Variants in GBE1 observed in about 807,000 individuals in gnomAD.
The protein encoded by GBE1 is 1,4-alpha-glucan-branching enzyme.
Under a neutral mutation model 88.8 loss-of-function variants are expected in GBE1, and 70 were observed. The ratio of observed to expected loss-of-function variants is 0.79; its 90% CI spans 0.65 to 0.96. The LOEUF is 0.96. GBE1 is among the 40% of genes least tolerant of loss of function. GBE1 has a pLI of 0.00. For missense variants in GBE1, 872 were observed against 871.0 expected (o/e 1.00, Z -0.01); for synonymous variants, 284 against 300.1 (o/e 0.95, Z 0.56).
chr3:81,639,080 A>T (rs1052484493), intron 7 of GBE1, among the ~76,000 whole-genome samples: 1 of 152,342 alleles, frequency 6.6e-6, no homozygotes, highest in African/African-American at 2.4e-5. Flanking sequence ...AATATGAAAC[A>T]TAAATTGTAA....
At chr3:81,546,238 T>TCA (rs1390566593) in intron 12 of GBE1, among the ~76,000 whole-genome samples, 4 of 149,638 alleles carry the variant, frequency 2.7e-5, no homozygotes, top group Non-Finnish European at 6.0e-5. Context: ...ACACACAAAC[T>TCA]CACACACACA....
intron 14 of GBE1, among the ~76,000 whole-genome samples, chr3:81,530,686 A>G (rs1423732882): frequency 6.6e-6 from 1 of 151,844 alleles, no homozygotes; most frequent in Non-Finnish European, 1.5e-5. Context: ...CTCTCACTCT[A>G]TCCTGAGCTG....
intron 9 of GBE1, among the ~76,000 whole-genome samples, chr3:81,590,676 C>A (rs1449200611): frequency 6.6e-6 from 1 of 151,594 alleles, no homozygotes. Context: ...AATGATTGAG[C>A]CAAAAAAGAA....
intron 2 of GBE1, among the ~76,000 whole-genome samples, chr3:81,682,002 G>A (rs1240144298): frequency 6.6e-6 from 1 of 152,066 alleles, no homozygotes; most frequent in Non-Finnish European, 1.5e-5. Context: ...CCACAGAATG[G>A]GAGAAAATAT....
At chr3:81,746,148 GTGTT>G (rs1212400627) in intron 1 of GBE1, among the ~76,000 whole-genome samples, 1 of 152,094 alleles carries the variant, frequency 6.6e-6, no homozygotes, top group Non-Finnish European at 1.5e-5. Flanking sequence ...AAAGTAATAG[GTGTT>G]TGTTTTTTCT....
In GBE1 at chr3:81,761,377, G is replaced by A. The variant is rs1234184417; in HGVS notation, c.141C>T (p.Arg47=). 8.1e-6 allele frequency: 13 copies of A among 1,607,288 alleles called. No individual in the cohort carries two copies. The highest frequency in any genetic ancestry group is 1.1e-5 in the South Asian group (1 of 90,976). The change falls in exon 1 of 16, where the codon CGC becomes CGT. Residue 47 remains arginine, a splice_region_variant and synonymous_variant. Transcript: ENST00000429644. ...YLKPYAVDFQ[R]RYKQFSQILK... is the part of the protein sequence containing the mutation. Reference sequence around the variant, plus strand: ...GGGTGGTGGGATTCCGGCGGTACCTGCGCTGGAAGTCCACGGCGTAGGGCT... The same window carrying A: ...GGGTGGTGGGATTCCGGCGGTACCTACGCTGGAAGTCCACGGCGTAGGGCT...
intron 7 of GBE1, among the ~76,000 whole-genome samples, chr3:81,600,206 A>T (rs1704013210): frequency 6.6e-6 from 1 of 152,158 alleles, no homozygotes; most frequent in Non-Finnish European, 1.5e-5. Flanking sequence ...GGTTGCAGTG[A>T]GCCGCGATTG....
At chr3:81,688,659 A>C (rs1455666754) in intron 2 of GBE1, among the ~76,000 whole-genome samples, 1 of 152,112 alleles carries the variant, frequency 6.6e-6, no homozygotes, top group African/African-American at 2.4e-5. Flanking sequence ...CAAAAGATTT[A>C]GGTGGTTCCT....
chr3:81,669,028 T>C (rs1426499851), intron 3 of GBE1, among the ~76,000 whole-genome samples: 3 of 152,218 alleles, frequency 2.0e-5, no homozygotes, highest in African/African-American at 7.2e-5. Context: ...CACATATTTG[T>C]TGAACTAGTG....
At chr3:81,731,781 T>C (rs1034455259) in intron 1 of GBE1, among the ~76,000 whole-genome samples, 4 of 152,116 alleles carry the variant, frequency 2.6e-5, no homozygotes, top group Non-Finnish European at 4.4e-5. Context: ...CCGCCATGAA[T>C]GTAACTTTCC....
intron 2 of GBE1, among the ~76,000 whole-genome samples, chr3:81,691,793 T>G (rs76927404): frequency 6.6e-6 from 1 of 152,012 alleles, no homozygotes; most frequent in Non-Finnish European, 1.5e-5. Context: ...AATTAATTAA[T>G]TTTTTAAATA....
intron 4 of GBE1, 108 bp downstream of exon 4, chr3:81,649,688 T>C: frequency 1.2e-6 from 1 of 814,830 alleles, no homozygotes; most frequent in Non-Finnish European, 1.9e-6. Flanking sequence ...AATACGCAAC[T>C]GTCAGTGAAG....
intron 14 of GBE1, among the ~76,000 whole-genome samples, chr3:81,522,895 A>C (rs1187882383): frequency 6.6e-6 from 1 of 151,714 alleles, no homozygotes; most frequent in African/African-American, 2.4e-5. Context: ...TGTCTGTATC[A>C]TTGCAACTTA....
intron 1 of GBE1, among the ~76,000 whole-genome samples, chr3:81,723,832 G>A (rs1706071405): frequency 6.6e-6 from 1 of 152,132 alleles, no homozygotes; most frequent in South Asian, 2.1e-4. Context: ...ATGTAATTAT[G>A]TATCTGCAGC....
chr3:81,667,383 A>C (rs1457228161), intron 3 of GBE1, among the ~76,000 whole-genome samples: 2 of 152,204 alleles, frequency 1.3e-5, no homozygotes, highest in African/African-American at 4.8e-5. Context: ...GAAACATGTC[A>C]TCTGCAAACA....
chr3:81,712,833 C>A (rs1186946759), intron 1 of GBE1, among the ~76,000 whole-genome samples: 3 of 151,658 alleles, frequency 2.0e-5, no homozygotes, highest in Admixed American at 6.6e-5. Flanking sequence ...TAAAAAAGCT[C>A]TCCAACTCAG....
At chr3:81,660,628 T>G (rs1028665107) in intron 3 of GBE1, among the ~76,000 whole-genome samples, 1 of 152,078 alleles carries the variant, frequency 6.6e-6, no homozygotes, top group Non-Finnish European at 1.5e-5. Context: ...GAACATATAA[T>G]TTTCAATTTG....
intron 1 of GBE1, 25 bp downstream of exon 1, chr3:81,761,350 G>T (rs28763905): frequency 5.0e-6 from 8 of 1,596,372 alleles, no homozygotes; most frequent in African/African-American, 2.7e-5. Context: ...CTGTCTAAGT[G>T]GGGGTGGTGG....
chr3:81,634,405 T>C (rs1004861069), intron 7 of GBE1, among the ~76,000 whole-genome samples: 1 of 152,250 alleles, frequency 6.6e-6, no homozygotes, highest in African/African-American at 2.4e-5. Flanking sequence ...TTATATTGTG[T>C]ATTAAATCAA....
Sources: gnomAD v4.1 joint callset for allele counts (sites outside exome capture counted in the v4.1 genomes callset) on GRCh38, gnomAD v4.1.1 for gene constraint, MANE v1.5 for transcripts, NCBI Gene and HGNC (gene_info 2026-07-23, HGNC 2026-07-21) for gene names.